CDH12: variants seen among roughly 807,000 people sequenced by gnomAD.
CDH12 encodes the protein cadherin 12.
Under a neutral mutation model 74.1 loss-of-function variants are expected in CDH12, and 41 were observed. That is an observed-to-expected ratio of 0.55 (90% CI 0.43 to 0.72). The LOEUF is 0.72. Ranked by LOEUF, CDH12 falls within the 30% of genes least tolerant of loss-of-function variation. The pLI, the probability that CDH12 is intolerant of heterozygous loss-of-function variation, is 0.00. For missense variants in CDH12, 945 were observed against 977.2 expected (o/e 0.97, Z 0.44); for synonymous variants, 399 against 355.0 (o/e 1.12, Z -1.39).
chr5:22,411,837 A>C (rs1399576002), intron 2 of CDH12, among the ~76,000 whole-genome samples: 3 of 152,036 alleles, frequency 2.0e-5, no homozygotes, highest in Admixed American at 6.6e-5. Flanking sequence ...TTTTATGAAT[A>C]CTTCAGAGAC....
chr5:22,798,554 A>G (rs1211668619), intron 1 of CDH12, among the ~76,000 whole-genome samples: 2 of 152,060 alleles, frequency 1.3e-5, no homozygotes, highest in African/African-American at 4.8e-5. Context: ...AGTCACACTT[A>G]TTTTTATCAT....
chr5:21,929,420 A>C (rs974541519), intron 6 of CDH12, among the ~76,000 whole-genome samples: 1 of 151,658 alleles, frequency 6.6e-6, no homozygotes, highest in Non-Finnish European at 1.5e-5. Context: ...GATTTTCATA[A>C]GGAGTGTACA....
intron 1 of CDH12, among the ~76,000 whole-genome samples, chr5:22,789,668 T>C (rs1747812106): frequency 6.6e-6 from 1 of 152,024 alleles, no homozygotes; most frequent in Non-Finnish European, 1.5e-5. Flanking sequence ...ATATCTCTGA[T>C]TTACAACAGG....
At chr5:22,446,590 C>T (rs1221736647) in intron 2 of CDH12, among the ~76,000 whole-genome samples, 1 of 151,998 alleles carries the variant, frequency 6.6e-6, no homozygotes, top group Non-Finnish European at 1.5e-5. Flanking sequence ...TTTTTTGATG[C>T]ATGAAACCTA....
chr5:22,529,174 TATATATATATATATAGAGAGAGAG>T (rs1737448344), intron 1 of CDH12, among the ~76,000 whole-genome samples: 1 of 76,640 alleles, frequency 1.3e-5, no homozygotes, highest in East Asian at 4.2e-4. Context: ...TGTATATATA[TATATATATATATATAGAGAGAGAG>T]AGAGAGAGAG....
At chr5:22,095,448 T>C (rs1407370649) in intron 4 of CDH12, among the ~76,000 whole-genome samples, 1 of 152,110 alleles carries the variant, frequency 6.6e-6, no homozygotes, top group African/African-American at 2.4e-5. Flanking sequence ...TCTCTGATTA[T>C]TCACCCATGT....
intron 1 of CDH12, among the ~76,000 whole-genome samples, chr5:22,802,028 A>T (rs1748555839): frequency 6.6e-6 from 1 of 151,838 alleles, no homozygotes; most frequent in African/African-American, 2.4e-5. Flanking sequence ...ATTGCATTAC[A>T]TGGTGATTGC....
chr5:22,673,377 T>C (rs996048806), intron 1 of CDH12, among the ~76,000 whole-genome samples: 2 of 152,148 alleles, frequency 1.3e-5, no homozygotes, highest in African/African-American at 4.8e-5. Context: ...ATTTTCTTGG[T>C]TTGTAAAAGA....
At chr5:22,451,679 T>C (rs983746048) in intron 2 of CDH12, among the ~76,000 whole-genome samples, 2 of 151,948 alleles carry the variant, frequency 1.3e-5, no homozygotes, top group Non-Finnish European at 2.9e-5. Context: ...ACTTTCAACA[T>C]TTCCATTCAA....
chr5:22,849,589 C>T (rs1007272299), intron 1 of CDH12, among the ~76,000 whole-genome samples: 3 of 152,060 alleles, frequency 2.0e-5, no homozygotes, highest in Non-Finnish European at 2.9e-5. Context: ...AAACTTAATA[C>T]ATTTGAAGAG....
rs1020218249 is a variant in CDH12 at position 21,882,166 on chromosome 5, T to G, written c.527-27376A>C. Among the ~76,000 whole-genome samples, 11 of 152,346 alleles carry G rather than the reference T, an allele frequency of 7.2e-5. No individual in the cohort carries two copies. In the South Asian group the frequency reaches 2.3e-3, roughly 32 times the overall value. On this transcript the variant is annotated intron_variant, in intron 6 of 14. Transcript: ENST00000382254. The stretch of plus-strand genomic sequence containing the variant: ...TTATTGTCACTGGATTTCTTTGTTA[T>G]GCCATTATAAATTAAGCAATGATGC...
chr5:22,330,582 C>A (rs1739307363), intron 3 of CDH12, among the ~76,000 whole-genome samples: 1 of 151,846 alleles, frequency 6.6e-6, no homozygotes, highest in Admixed American at 6.6e-5. Flanking sequence ...GAAATCCTGT[C>A]TCTAATAAAA....
chr5:22,550,209 G>C (rs145497467), intron 1 of CDH12, among the ~76,000 whole-genome samples: 7 of 151,724 alleles, frequency 4.6e-5, no homozygotes, highest in African/African-American at 1.7e-4. Flanking sequence ...TCTAGGACTT[G>C]GTTCTTTGTT....
At chr5:22,675,398 G>A (rs1162635531) in intron 1 of CDH12, among the ~76,000 whole-genome samples, 1 of 152,176 alleles carries the variant, frequency 6.6e-6, no homozygotes, top group African/African-American at 2.4e-5. Flanking sequence ...AGATTTCAGA[G>A]GATGTATGGA....
chr5:22,314,038 A>G (rs1335354656), intron 3 of CDH12, among the ~76,000 whole-genome samples: 1 of 152,206 alleles, frequency 6.6e-6, no homozygotes, highest in African/African-American at 2.4e-5. Context: ...CAGAAAGTGG[A>G]AAGTATTAGA....
At chr5:22,614,854 G>A (rs151275008) in intron 1 of CDH12, among the ~76,000 whole-genome samples, 6 of 152,002 alleles carry the variant, frequency 3.9e-5, no homozygotes, top group Non-Finnish European at 8.8e-5. Context: ...TTCACAGATA[G>A]ACCATTCACA....
chr5:21,850,668 T>C (rs1252842167), intron 7 of CDH12, among the ~76,000 whole-genome samples: 1 of 151,472 alleles, frequency 6.6e-6, no homozygotes, highest in African/African-American at 2.4e-5. Flanking sequence ...GAATGAAAGG[T>C]CGATAGACTC....
intron 6 of CDH12, among the ~76,000 whole-genome samples, chr5:21,885,493 G>T (rs906864248): frequency 2.0e-5 from 3 of 152,126 alleles, no homozygotes; most frequent in Admixed American, 6.6e-5. Context: ...TTTCAATAAA[G>T]GATTCATGCA....
At chr5:22,236,136 T>C (rs926916372) in intron 3 of CDH12, among the ~76,000 whole-genome samples, 6 of 152,222 alleles carry the variant, frequency 3.9e-5, no homozygotes, top group African/African-American at 1.4e-4. Flanking sequence ...GTGTGAGTAG[T>C]GTGTGAGCAG....
Sources: gnomAD v4.1 joint callset for allele counts (sites outside exome capture counted in the v4.1 genomes callset) on GRCh38, gnomAD v4.1.1 for gene constraint, MANE v1.5 for transcripts, NCBI Gene and HGNC (gene_info 2026-07-23, HGNC 2026-07-21) for gene names.